Variants in DOCK2 observed in about 807,000 individuals in gnomAD.
DOCK2 encodes dedicator of cytokinesis 2.
DOCK2 carries 87 observed loss-of-function variants against 248.9 expected under a neutral mutation model. The observed-to-expected ratio is 0.35, with a 90% CI of 0.29 to 0.42. DOCK2 has a LOEUF of 0.42. Ranked by LOEUF, DOCK2 falls within the 10% of genes least tolerant of loss-of-function variation. DOCK2 has a pLI of 1.00. For synonymous variants in DOCK2, 805 were observed against 821.6 expected (o/e 0.98, Z 0.35); for missense variants, 1,747 against 2,300.2 (o/e 0.76, Z 4.92).
At chr5:169,734,091 G>A (rs934725456) in intron 22 of DOCK2, among the ~76,000 whole-genome samples, 22 of 149,826 alleles carry the variant, frequency 1.5e-4, no homozygotes, top group Admixed American at 4.0e-4. Context: ...TTGTTTTCTC[G>A]GTTCATTCTG....
intron 26 of DOCK2, among the ~76,000 whole-genome samples, chr5:169,810,243 G>A (rs1047130840): frequency 1.1e-4 from 17 of 152,046 alleles, no homozygotes; most frequent in African/African-American, 3.9e-4. Context: ...TGCTAGCAGG[G>A]TATTCTTCTT....
chr5:170,061,873 C>T (rs1757338740), intron 44 of DOCK2, among the ~76,000 whole-genome samples: 1 of 152,206 alleles, frequency 6.6e-6, no homozygotes, highest in Non-Finnish European at 1.5e-5. Flanking sequence ...ACAACTCAGT[C>T]TACACCTTGG....
At chr5:169,780,687 G>A (rs935935007) in intron 25 of DOCK2, among the ~76,000 whole-genome samples, 2 of 152,178 alleles carry the variant, frequency 1.3e-5, no homozygotes, top group African/African-American at 2.4e-5. Context: ...GTTTGAAGGT[G>A]AAAGGACCAG....
intron 27 of DOCK2, among the ~76,000 whole-genome samples, chr5:169,848,298 A>G (rs1770434670): frequency 6.6e-6 from 1 of 152,260 alleles, no homozygotes; most frequent in Non-Finnish European, 1.5e-5. Context: ...TGAAAGCATC[A>G]TGCCTAAAGT....
intron 25 of DOCK2, among the ~76,000 whole-genome samples, chr5:169,765,070 G>GCACACA (rs142755026): frequency 0.08 from 11,640 of 146,352 alleles, 522 homozygotes; most frequent in African/African-American, 0.12. Context: ...CTCTTTTAGC[G>GCACACA]CACACACACA....
At chr5:170,078,254 C>G (rs1004860435) in intron 48 of DOCK2, among the ~76,000 whole-genome samples, 2 of 152,208 alleles carry the variant, frequency 1.3e-5, no homozygotes, top group Non-Finnish European at 2.9e-5. Context: ...CCTGCACCAC[C>G]TACCCACCCC....
intron 26 of DOCK2, among the ~76,000 whole-genome samples, chr5:169,840,032 A>G (rs1054937277): frequency 1.3e-5 from 2 of 152,252 alleles, no homozygotes; most frequent in Non-Finnish European, 2.9e-5. Flanking sequence ...TTGCGCTGCT[A>G]TAAAGAAATA....
chr5:169,686,152 T>G (rs936292805), intron 8 of DOCK2, among the ~76,000 whole-genome samples: 1 of 152,172 alleles, frequency 6.6e-6, no homozygotes, highest in Non-Finnish European at 1.5e-5. Context: ...CTGTTCCCTG[T>G]CAGTTACTCC....
At chr5:170,035,781 T>C (rs112602741) in intron 35 of DOCK2, among the ~76,000 whole-genome samples, 1,582 of 152,310 alleles carry the variant, frequency 0.01, 8 homozygotes, top group Middle Eastern at 0.061. Flanking sequence ...CTCTGGAACA[T>C]GTCACCACCC....
intron 37 of DOCK2, 77 bp downstream of exon 37, chr5:170,041,222 G>C: frequency 7.8e-7 from 1 of 1,282,556 alleles, no homozygotes; most frequent in Non-Finnish European, 1.1e-6. Context: ...AGTGAAAAAA[G>C]AAAAAAAAGA....
intron 27 of DOCK2, among the ~76,000 whole-genome samples, chr5:169,866,487 A>G (rs971698592): frequency 1.3e-5 from 2 of 152,254 alleles, no homozygotes; most frequent in Admixed American, 6.5e-5. Context: ...AACACGCAGC[A>G]TAGAGTAGGC....
intron 27 of DOCK2, among the ~76,000 whole-genome samples, chr5:169,928,620 C>T (rs1385167338): frequency 1.3e-5 from 2 of 152,146 alleles, no homozygotes; most frequent in Non-Finnish European, 1.5e-5. Flanking sequence ...TCATGGAGGC[C>T]TAGCAGGAGA....
chr5:169,797,834 T>C (rs1766746781), intron 25 of DOCK2, among the ~76,000 whole-genome samples: 1 of 152,248 alleles, frequency 6.6e-6, no homozygotes, highest in Non-Finnish European at 1.5e-5. Flanking sequence ...AGCAGCAATT[T>C]GGAAATGCTG....
intron 27 of DOCK2, among the ~76,000 whole-genome samples, chr5:169,869,915 G>A (rs1412224561): frequency 2.0e-5 from 3 of 152,168 alleles, no homozygotes; most frequent in Non-Finnish European, 4.4e-5. Flanking sequence ...TTCCATGCAG[G>A]ATCGTAAGAA....
At chr5:169,874,167 C>T (rs1231384395) in intron 27 of DOCK2, among the ~76,000 whole-genome samples, 1 of 152,084 alleles carries the variant, frequency 6.6e-6, no homozygotes, top group Admixed American at 6.5e-5. Flanking sequence ...AATCCCAACA[C>T]TTTGGGAGGC....
intron 46 of DOCK2, among the ~76,000 whole-genome samples, chr5:170,073,074 G>T (rs1024539738): frequency 1.3e-5 from 2 of 152,058 alleles, no homozygotes; most frequent in African/African-American, 4.8e-5. Flanking sequence ...TTAAGAAACC[G>T]CAACTACCCC....
rs953531596 is a variant in DOCK2, at chr5:169,763,624, C to T, written c.2554+1999C>T. ...TCTGAGGGTTAGCATCATGGCAGGG[C>T]AGGCTGGACAGCTGCTGCTTCTCAG... On this transcript the variant is annotated intron_variant, in intron 25 of 51. Transcript: ENST00000520908. This position sits in a 1 kb window ranked among gnomAD's most constrained non-coding sequence, Gnocchi z 4.1. Among the ~76,000 whole-genome samples the T allele has an allele frequency of 1.3e-5, 2 of 152,176 alleles. No homozygotes were observed. The highest frequency in any genetic ancestry group is 3.9e-4 in the East Asian group (2 of 5,192).
At chr5:169,822,065 C>A (rs1340329811) in intron 26 of DOCK2, among the ~76,000 whole-genome samples, 2 of 152,172 alleles carry the variant, frequency 1.3e-5, no homozygotes, top group African/African-American at 4.8e-5. Flanking sequence ...ATAAGAAGAG[C>A]TAACTATCCT....
At chr5:169,993,600 A>G (rs1371343810) in intron 29 of DOCK2, among the ~76,000 whole-genome samples, 1 of 147,850 alleles carries the variant, frequency 6.8e-6, no homozygotes, top group Non-Finnish European at 1.5e-5. Context: ...TTCCAGTGCC[A>G]GGATACACTG....
Sources: gnomAD v4.1 joint callset for allele counts (sites outside exome capture counted in the v4.1 genomes callset) on GRCh38, gnomAD v4.1.1 for gene constraint, Gnocchi (gnomAD v3.1) non-coding constraint, MANE v1.5 for transcripts, NCBI Gene and HGNC (gene_info 2026-07-23, HGNC 2026-07-21) for gene names.